MAPK12: variants seen among roughly 807,000 people sequenced by gnomAD.
MAPK12 encodes MAP kinase 12.
Under a neutral mutation model 49.1 loss-of-function variants are expected in MAPK12, and 49 were observed. That is an observed-to-expected ratio of 1.00 (90% CI 0.79 to 1.27). MAPK12 has a LOEUF of 1.27. Among genes scored for constraint, MAPK12 ranks in the 50% most tolerant of loss-of-function variants. MAPK12 has a pLI of 0.00. For synonymous variants in MAPK12, 251 were observed against 209.7 expected (o/e 1.20, Z -1.70); for missense variants, 554 against 502.4 (o/e 1.10, Z -0.98).
chr22:50,256,791 G>C, intron 5 of MAPK12, 144 bp downstream of exon 5: 1 of 1,506,550 alleles, frequency 6.6e-7, no homozygotes, highest in Non-Finnish European at 8.9e-7. Flanking sequence ...AAGGTACCTG[G>C]GCACCCAGGC....
chr22:50,253,501 G>GTT, intron 11 of MAPK12, 21 bp from the exon 12 acceptor site: 1 of 354,170 alleles, frequency 2.8e-6, no homozygotes, highest in Non-Finnish European at 5.6e-6. Flanking sequence ...TGGGGGGGCG[G>GTT]GCACAACAGA....
chr22:50,260,937 G>T, intron 2 of MAPK12: 1 of 434,936 alleles, frequency 2.3e-6, no homozygotes, highest in East Asian at 4.4e-5. Context: ...CCGAGTCAAG[G>T]GGCTGAGTCC....
At position 50,261,204 on chromosome 22, in the gene MAPK12, C is replaced by G; in HGVS notation, c.218G>C (p.Arg73Pro). ...QSELFAKRAY[R>P]ELRLLKHMRH... ...CATGTGCTTGAGCAGGCGCAGCTCG[C>G]GGTAGGCGCGCTTGGCGAACAGCTC... The change falls in exon 2 of 12, where the codon CGC becomes CCC. Residue 73 changes from arginine (R) to proline (P), a missense_variant. By Grantham distance (103) the Arg-to-Pro change is moderately radical. Coordinates refer to ENST00000215659, the MANE Select transcript of MAPK12 (RefSeq NM_002969.6). 2.5e-6 allele frequency: 4 copies of G among 1,591,242 alleles called. No individual in the cohort carries two copies. The highest frequency in any genetic ancestry group is 2.6e-6 in the Non-Finnish European group (3 of 1,170,106).
Position 50,261,480 on chromosome 22 carries a change from G to A in MAPK12, c.30C>T (p.Gly10=), listed in dbSNP as rs1365870827. 3.2e-6 allele frequency: 4 copies of A among 1,264,928 alleles called. No homozygotes were observed. The highest frequency in any genetic ancestry group is 2.0e-6 in the Non-Finnish European group (2 of 981,466). The allele number at this position is 1,264,928 out of a possible 1,614,324, so 78.4% of individuals were successfully genotyped here. MSSPPPARS[G]FYRQEVTKTA... ...TCTTGGTCACCTCCTGGCGGTAAAA[G>A]CCACTGCGGGCGGGCGGCGGAGAGC... Residue 10 remains glycine (G), a synonymous_variant, in exon 1 of 12, where the codon GGC becomes GGT. Coordinates refer to ENST00000215659, the MANE Select transcript of MAPK12 (RefSeq NM_002969.6).
At chr22:50,254,956 C>G (rs773315534) in intron 11 of MAPK12, 4 of 1,403,620 alleles carry the variant, frequency 2.8e-6, no homozygotes, top group Non-Finnish European at 3.7e-6. Context: ...CCACACGGCC[C>G]CATGCTGCCC....
chr22:50,258,289 G>C lies in MAPK12; in HGVS notation c.268C>G (p.Leu90Val), dbSNP rs373525981. 5.0e-6 allele frequency: 8 copies of C among 1,612,968 alleles called. No individual in the cohort carries two copies. The highest frequency in any genetic ancestry group is 2.7e-5 in the African/African-American group (2 of 74,942). ...HMRHENVIGL[L>V]DVFTPDETLD... ...GTCTCATCAGGAGTGAATACGTCCAGCAGCCCGATCACCTGGGGGGGCCAC... is the reference window on the plus strand; with the variant it reads ...GTCTCATCAGGAGTGAATACGTCCACCAGCCCGATCACCTGGGGGGGCCAC... Residue 90 changes from leucine to valine, a missense_variant, in exon 3 of 12, where the codon CTG becomes GTG. Transcript: ENST00000215659.
rs1427655810 is a variant in MAPK12 at position 50,261,054 on chromosome 22, G to GC, written c.255+112dup. Reference sequence around the variant, plus strand: ...CCTGGGGACCCACGGCCCGACCCCCGCCCGGCCCCACAGCAGGCTGCCTGG... The same window carrying GC: ...CCTGGGGACCCACGGCCCGACCCCCGCCCCGGCCCCACAGCAGGCTGCCTGG... On this transcript the variant is annotated intron_variant, in intron 2 of 11. Transcript: ENST00000215659. 22 of 1,253,296 alleles carry GC rather than the reference G, an allele frequency of 1.8e-5. No individual in the cohort carries two copies. The East Asian group carries it at 4.7e-4, about 27-fold the overall frequency. 77.6% of individuals were successfully genotyped at this position (1,253,296 alleles called of 1,614,324 possible).
In MAPK12 at chr22:50,255,167, C is replaced by T. The variant is rs2065135869; in HGVS notation, c.1024+30G>A. 3.7e-6 allele frequency: 6 copies of T among 1,612,590 alleles called. No individual in the cohort carries two copies. The South Asian group carries it at 6.6e-5, about 18-fold the overall frequency. On this transcript the variant is annotated intron_variant, in intron 11 of 11. Coordinates refer to ENST00000215659, the MANE Select transcript of MAPK12 (RefSeq NM_002969.6). ...GCCCAGAGCCCCCCACTTGGGTCCA[C>T]ACAGGCCGTGCCAGGAGCCCCCCAC...
intron 11 of MAPK12, 21 bp downstream of exon 11, chr22:50,255,176 T>G (rs756624828): frequency 1.2e-6 from 2 of 1,613,060 alleles, no homozygotes; most frequent in South Asian, 2.2e-5. Flanking sequence ...ACACAGGCCG[T>G]GCCAGGAGCC....
intron 2 of MAPK12, among the ~76,000 whole-genome samples, chr22:50,259,757 G>T (rs1203455286): frequency 6.6e-6 from 1 of 151,908 alleles, no homozygotes; most frequent in African/African-American, 2.4e-5. Flanking sequence ...GGTGGCGCGC[G>T]CCTGTAATCC....
At chr22:50,256,227 C>A in intron 6 of MAPK12, 28 bp from the exon 7 acceptor site, 1 of 1,561,994 alleles carries the variant, frequency 6.4e-7, no homozygotes, top group South Asian at 1.1e-5. Flanking sequence ...GAGGTGGGTT[C>A]TAGGGGACTC....
Position 50,260,046 on chromosome 22 carries a change from G to A in MAPK12, c.255+1121C>T, listed in dbSNP as rs1233319193. Among the ~76,000 whole-genome samples the A allele has an allele frequency of 2.7e-5, 4 of 147,918 alleles. No homozygotes were observed. The South Asian group carries it at 6.6e-4, about 24-fold the overall frequency. ...GGTGGTGGGGGGGTGCGGTGCCGGC[G>A]AAGTGGGGGCAGGGCTGGGTGTGAC... On this transcript the variant is annotated intron_variant, in intron 2 of 11. Coordinates refer to ENST00000215659, the MANE Select transcript of MAPK12 (RefSeq NM_002969.6).
chr22:50,257,267 AG>A, intron 3 of MAPK12, 74 bp from the exon 4 acceptor site: 1 of 1,226,876 alleles, frequency 8.2e-7, no homozygotes, highest in East Asian at 2.4e-5. Context: ...CAGCAGGCCC[AG>A]GCTCAGACCC....
chr22:50,261,403 C>T lies in MAPK12; in HGVS notation c.107G>A (p.Gly36Asp), dbSNP rs1307381668. 3 of 1,215,364 alleles carry T rather than the reference C, an allele frequency of 2.5e-6. No homozygotes were observed. In the East Asian group the frequency reaches 1.7e-4, roughly 70 times the overall value. The allele number at this position is 1,215,364 out of a possible 1,614,324, so 75.3% of individuals were successfully genotyped here. A position where few individuals can be genotyped will look rare whatever the true frequency, so the allele number is the denominator to read the frequency against. Residue 36 changes from glycine (G) to aspartate (D), a missense_variant, in exon 1 of 12, where the codon GGC (glycine) becomes GAC (aspartate). By Grantham distance (94) the Gly-to-Asp change is moderately conservative. Coordinates refer to ENST00000215659, the MANE Select transcript of MAPK12 (RefSeq NM_002969.6). Reference protein sequence around the residue: ...VYRDLQPVGSGAYGAVCSAVD... With the variant: ...VYRDLQPVGSDAYGAVCSAVD... ...CGCTCACCACACCGCGCCGTAGGCG[C>T]CCGAGCCCACGGGCTGCAGGTCCCG...
rs2065118156 is a variant in MAPK12 at position 50,253,414 on chromosome 22, T to G, written c.1091A>C (p.Glu364Ala). ...PRQLGARVSK[E>A]TPL The stretch of plus-strand genomic sequence containing the variant: ...GCCCAGAGATCTTCACAGAGGCGTC[T>G]CCTTGGAGACCCTGGCCCCCAGCTG... Residue 364 changes from glutamate to alanine, a missense_variant, in exon 12 of 12, where the codon GAG becomes GCG. Coordinates refer to ENST00000215659, the MANE Select transcript of MAPK12 (RefSeq NM_002969.6). 1.3e-6 allele frequency: 2 copies of G among 1,490,738 alleles called. No individual in the cohort carries two copies. Among genetic ancestry groups the G allele is most frequent in the Non-Finnish European group, 1.8e-6 (2 of 1,110,320 alleles). 92.3% of individuals were successfully genotyped at this position (1,490,738 alleles called of 1,614,324 possible). A position where few individuals can be genotyped will look rare whatever the true frequency, so the allele number is the denominator to read the frequency against.
chr22:50,253,020 T>C lies in MAPK12; in HGVS notation c.*381A>G. 1 of 319,942 alleles carries C rather than the reference T, an allele frequency of 3.1e-6. No homozygotes were observed. Among genetic ancestry groups the C allele is most frequent in the South Asian group, 2.8e-5 (1 of 35,970 alleles). 19.8% of individuals were successfully genotyped at this position (319,942 alleles called of 1,614,324 possible). A position where few individuals can be genotyped will look rare whatever the true frequency, so the allele number is the denominator to read the frequency against. ...CGTCGCCCAGGAGAGGGGATGTCCC[T>C]GAGTTGGTGCCCTGCGCCCACCCTC... is the stretch of plus-strand genomic sequence containing the variant. On this transcript the variant is annotated 3_prime_UTR_variant, in exon 12 of 12. Transcript: ENST00000215659.
rs2065151905 is a variant in MAPK12, at chr22:50,256,532, G to A, written c.504+67C>T. The A allele has an allele frequency of 5.8e-6, 9 of 1,560,276 alleles. No homozygotes were observed. In the South Asian group the frequency reaches 7.1e-5, roughly 12 times the overall value. On this transcript the variant is annotated intron_variant, in intron 6 of 11. Transcript: ENST00000215659. Reference sequence around the variant, plus strand: ...GGCCCCCTGCCCAGGCCTGACAGGTGGATAGATGGGCAGATCCAGAGGGGG... The same window carrying A: ...GGCCCCCTGCCCAGGCCTGACAGGTAGATAGATGGGCAGATCCAGAGGGGG...
intron 9 of MAPK12, 37 bp downstream of exon 9, chr22:50,255,578 G>GCCCCCCCCCCCCCCCCCCCCCCCCCAC: frequency 6.3e-7 from 1 of 1,582,018 alleles, no homozygotes; most frequent in Non-Finnish European, 8.7e-7. Context: ...GCCCAGGTCC[G>GCCCCCCCCCCCCCCCCCCCCCCCCCAC]CCCCCACCCC....
In MAPK12 at chr22:50,261,614, G is replaced by C. The variant is rs1430766526; in HGVS notation, c.-105C>G. The C allele has an allele frequency of 4.0e-6, 4 of 990,736 alleles. No homozygotes were observed. The African/African-American group carries it at 5.4e-5, about 13-fold the overall frequency. 61.4% of individuals were successfully genotyped at this position (990,736 alleles called of 1,614,324 possible). A position where few individuals can be genotyped will look rare whatever the true frequency, so the allele number is the denominator to read the frequency against. Reference sequence around the variant, plus strand: ...GCCTCGGGCCGGCTCCGCGCCGCTCGTCCGCTCGCCCGCCCGCCCGCCGGC... The same window carrying C: ...GCCTCGGGCCGGCTCCGCGCCGCTCCTCCGCTCGCCCGCCCGCCCGCCGGC... On this transcript the variant is annotated 5_prime_UTR_variant, in exon 1 of 12. Transcript: ENST00000215659.
Sources: allele counts gnomAD v4.1 joint callset (sites outside exome capture counted in the v4.1 genomes callset), GRCh38; gene constraint gnomAD v4.1.1; transcripts MANE v1.5; gene names NCBI Gene and HGNC (gene_info 2026-07-23, HGNC 2026-07-21).